The following ZNF221 variants were observed in gnomAD, a reference collection of about 807,000 sequenced individuals.
ZNF221 encodes zinc finger protein 221.
Under a neutral mutation model 12.6 loss-of-function variants are expected in ZNF221, and 10 were observed. The observed-to-expected ratio is 0.79, with a 90% CI of 0.49 to 1.34. The LOEUF (loss-of-function observed/expected upper bound fraction) is 1.34. Among genes scored for constraint, ZNF221 ranks in the 40% most tolerant of loss-of-function variants. The pLI, the probability that ZNF221 is intolerant of heterozygous loss-of-function variation, is 0.00. For synonymous variants in ZNF221, 232 were observed against 244.0 expected (o/e 0.95, Z 0.46); for missense variants, 661 against 721.4 (o/e 0.92, Z 0.96).
At chr19:43,981,048 G>A in the ZNF221 span, among the ~76,000 whole-genome samples, 4 of 152,056 alleles carry the variant, frequency 2.6e-5, no homozygotes, top group South Asian at 8.3e-4. Flanking sequence ...TTCAAGACAA[G>A]CCTTGGCAAC....
downstream of ZNF221, among the ~76,000 whole-genome samples, chr19:43,970,419 T>C (rs1221584456): frequency 1.3e-5 from 2 of 152,294 alleles, no homozygotes; most frequent in Non-Finnish European, 2.9e-5. Context: ...GAGGCTGAGA[T>C]GGCTGAACTG....
chr19:43,958,024 T>C (rs1215235452), intron 1 of ZNF221, among the ~76,000 whole-genome samples: 1 of 152,236 alleles, frequency 6.6e-6, no homozygotes, highest in African/African-American at 2.4e-5. Flanking sequence ...TGTCAGTTGG[T>C]TAGCAACTTA....
chr19:43,967,270 T>A lies in ZNF221; in HGVS notation c.1768T>A (p.Leu590Met). 1 of 1,614,124 alleles carries A rather than the reference T, an allele frequency of 6.2e-7. No individual in the cohort carries two copies. Among genetic ancestry groups the A allele is most frequent in the Non-Finnish European group, 8.5e-7 (1 of 1,180,024 alleles). Residue 590 changes from leucine (L) to methionine (M), a missense_variant, in exon 5 of 5, where the codon TTG becomes ATG. Physicochemically the swap from Leu to Met is conservative, Grantham distance 15 (BLOSUM62 2). Transcript: ENST00000587682. Reference protein sequence around the residue: ...HQRLHSGEKPLKSGVWEEIYS... With the variant: ...HQRLHSGEKPMKSGVWEEIYS... ...GAGACTCCACAGTGGAGAAAAGCCA[T>A]TGAAATCTGGAGTGTGGGAAGAGAT... is the stretch of plus-strand genomic sequence containing the variant.
At chr19:43,972,637 C>T (rs1423031779), downstream of ZNF221, among the ~76,000 whole-genome samples, 1 of 151,720 alleles carries the variant, frequency 6.6e-6, no homozygotes, top group East Asian at 1.9e-4. Flanking sequence ...TGCACATAAA[C>T]TAGAAAATCT....
In ZNF221 at chr19:43,966,945, G is replaced by A. The variant is rs889610728; in HGVS notation, c.1443G>A (p.Lys481=). Residue 481 remains lysine, a synonymous_variant, in exon 5 of 5, where the codon AAG becomes AAA. Transcript: ENST00000587682. ...CGGGTGAGAGACCCTATAATTGTAA[G>A]GAATGTGGCAAGAGCTTTGGCTGGG... ...VHTGERPYNC[K]ECGKSFGWAS... 4.3e-6 allele frequency: 7 copies of A among 1,614,190 alleles called. No homozygotes were observed. Among genetic ancestry groups the A allele is most frequent in the Non-Finnish European group, 5.9e-6 (7 of 1,180,044 alleles).
chr19:43,962,870 T>G, intron 2 of ZNF221, 63 bp downstream of exon 2: 1 of 1,509,764 alleles, frequency 6.6e-7, no homozygotes, highest in Non-Finnish European at 9.1e-7. Context: ...TGTCACATTT[T>G]TATCTGTCTT....
At chr19:43,974,531 A>G in the ZNF221 span, among the ~76,000 whole-genome samples, 1 of 152,200 alleles carries the variant, frequency 6.6e-6, no homozygotes, top group African/African-American at 2.4e-5. Flanking sequence ...CCTACAAGGA[A>G]CTTAAACAAA....
the ZNF221 span, chr19:43,977,329 CACTT>C: frequency 6.6e-6 from 1 of 152,150 alleles, no homozygotes; most frequent in Admixed American, 6.5e-5. Flanking sequence ...TAATATTAAT[CACTT>C]ACCTATAAGG....
chr19:43,962,937 C>T, intron 2 of ZNF221, 130 bp downstream of exon 2: 1 of 763,538 alleles, frequency 1.3e-6, no homozygotes, highest in Non-Finnish European at 2.0e-6. Context: ...CCAGATGCTT[C>T]CTTTGCTGCT....
the ZNF221 span, among the ~76,000 whole-genome samples, chr19:43,977,644 T>G: frequency 6.6e-6 from 1 of 152,216 alleles, no homozygotes; most frequent in African/African-American, 2.4e-5. Flanking sequence ...CAGCAGTCTC[T>G]TAGTGTGTGG....
chr19:43,966,468 A>T lies in ZNF221; in HGVS notation c.966A>T (p.Arg322Ser), dbSNP rs183661842. Residue 322 changes from arginine (R) to serine (S), a missense_variant, in exon 5 of 5, where the codon AGA (arginine) becomes AGT (serine). Arg to Ser is a moderately radical substitution (Grantham distance 110, BLOSUM62 -1). Transcript: ENST00000587682. ...CDICGKSFRV[R>S]SRLNRHSMVH... ...TATGTGGTAAGAGCTTCCGTGTTAG[A>T]TCAAGACTTAATAGGCATTCCATGG... is the stretch of plus-strand genomic sequence containing the variant. 5.6e-6 allele frequency: 9 copies of T among 1,614,198 alleles called. No individual in the cohort carries two copies. In the Admixed American group the frequency reaches 1.5e-4, roughly 27 times the overall value.
intron 1 of ZNF221, among the ~76,000 whole-genome samples, chr19:43,959,697 C>T (rs560962701): frequency 1.5e-4 from 23 of 152,312 alleles, no homozygotes; most frequent in African/African-American, 5.5e-4. Flanking sequence ...CTCCCTGAGG[C>T]CTCACCAGAA....
downstream of ZNF221, among the ~76,000 whole-genome samples, chr19:43,970,828 G>T (rs937064385): frequency 2.0e-5 from 3 of 152,188 alleles, no homozygotes; most frequent in South Asian, 6.2e-4. Context: ...ATGGAAACAA[G>T]TTGGAAACAT....
chr19:43,970,665 C>T (rs562699829), downstream of ZNF221, among the ~76,000 whole-genome samples: 2 of 152,168 alleles, frequency 1.3e-5, no homozygotes, highest in Admixed American at 1.3e-4. Flanking sequence ...GAAAGAGACT[C>T]AGAGCTTGAA....
In ZNF221 at chr19:43,951,235, CTG is replaced by C. The variant is rs1197386644; in HGVS notation, c.-165_-164del. Reference sequence around the variant, plus strand: ...TTCTGGGAAATGTAGTCCAGACGCTCTGTGGAGTCGCGGGAGCTACGGCTGCG... The same window carrying C: ...TTCTGGGAAATGTAGTCCAGACGCTCTGGAGTCGCGGGAGCTACGGCTGCG... On this transcript the variant is annotated 5_prime_UTR_variant, in exon 1 of 5. Coordinates refer to ENST00000587682, the MANE Select transcript of ZNF221 (RefSeq NM_001297588.2). 6.6e-6 allele frequency: 1 copy of C among 152,268 alleles called. No homozygotes were observed. The highest frequency in any genetic ancestry group is 2.4e-5 in the African/African-American group (1 of 41,448). The allele number at this position is 152,268 out of a possible 1,614,324, so 9.4% of individuals were successfully genotyped here.
intron 1 of ZNF221, among the ~76,000 whole-genome samples, chr19:43,953,727 A>G (rs377194438): frequency 6.6e-6 from 1 of 152,168 alleles, no homozygotes; most frequent in South Asian, 2.1e-4. Context: ...GTGACCAAAT[A>G]TGCATTTAGG....
In ZNF221 at chr19:43,967,666, G is replaced by T. The variant is rs1327839371; in HGVS notation, c.*310G>T. ...GCTAATTTTTTGTATTTTTAGTAGAGACGGGGTTTCACCGTGTTAGCCAGG... is the reference window on the plus strand; with the variant it reads ...GCTAATTTTTTGTATTTTTAGTAGATACGGGGTTTCACCGTGTTAGCCAGG... On this transcript the variant is annotated 3_prime_UTR_variant, in exon 5 of 5. Coordinates refer to ENST00000587682, the MANE Select transcript of ZNF221 (RefSeq NM_001297588.2). 1.5e-5 allele frequency: 4 copies of T among 258,792 alleles called. No individual in the cohort carries two copies. The Admixed American group carries it at 1.9e-4, about 13-fold the overall frequency. 16.0% of individuals were successfully genotyped at this position (258,792 alleles called of 1,614,324 possible). A position where few individuals can be genotyped will look rare whatever the true frequency, so the allele number is the denominator to read the frequency against.
chr19:43,958,302 AG>A, intron 1 of ZNF221, among the ~76,000 whole-genome samples: 1 of 152,332 alleles, frequency 6.6e-6, no homozygotes, highest in East Asian at 1.9e-4. Context: ...GGGCCCCCTT[AG>A]CCACAGCATT....
In ZNF221 at chr19:43,965,272, G is replaced by A. The variant is rs763983015; in HGVS notation, c.248G>A (p.Gly83Glu). The change falls in exon 4 of 5, where the codon GGG becomes GAG. Residue 83 changes from glycine to glutamate, a missense_variant. Gly to Glu is a moderately conservative substitution (Grantham distance 98, BLOSUM62 -2). Coordinates refer to ENST00000587682, the MANE Select transcript of ZNF221 (RefSeq NM_001297588.2). ...CACCAAGATACTTTCCACTTCTTAG[G>A]GAAGGAAAAGTTTTGGAAGATGAAG... Reference protein sequence around the residue: ...PFHQDTFHFLGKEKFWKMKTT... With the variant: ...PFHQDTFHFLEKEKFWKMKTT... 6.2e-7 allele frequency: 1 copy of A among 1,613,558 alleles called. No homozygotes were observed. The highest frequency in any genetic ancestry group is 8.5e-7 in the Non-Finnish European group (1 of 1,179,738).
Sources: gnomAD v4.1 joint callset for allele counts (sites outside exome capture counted in the v4.1 genomes callset) on GRCh38, gnomAD v4.1.1 for gene constraint, MANE v1.5 for transcripts, NCBI Gene and HGNC (gene_info 2026-07-23, HGNC 2026-07-21) for gene names.